NPHP3: variants seen among roughly 807,000 people sequenced by gnomAD.
The protein encoded by NPHP3 is nephrocystin 3.
NPHP3 carries 123 observed loss-of-function variants against 171.9 expected under a neutral mutation model. That is an observed-to-expected ratio of 0.72 (90% CI 0.62 to 0.83). The LOEUF (loss-of-function observed/expected upper bound fraction) is 0.83. NPHP3 is among the 40% of genes least tolerant of loss of function. The pLI, the probability that NPHP3 is intolerant of heterozygous loss-of-function variation, is 0.00. For missense variants in NPHP3, 1,506 were observed against 1,591.9 expected, an observed-to-expected ratio of 0.95 and a Z score of 0.92; for synonymous variants, 558 against 579.2, an observed-to-expected ratio of 0.96 and a Z score of 0.52.
At position 132,699,962 on chromosome 3, in the gene NPHP3, G is replaced by A. The variant is rs1939562588; in HGVS notation, c.1843C>T (p.Gln615Ter). 6.2e-7 allele frequency: 1 copy of A among 1,614,036 alleles called. No homozygotes were observed. Among genetic ancestry groups the A allele is most frequent in the Non-Finnish European group, 8.5e-7 (1 of 1,180,032 alleles). Residue 615 changes from glutamine (Q) to a stop codon, truncating the protein, a stop_gained, in exon 12 of 27, where the codon CAA (glutamine) becomes TAA (stop). Coordinates refer to ENST00000337331, the MANE Select transcript of NPHP3 (RefSeq NM_153240.5). LOFTEE classifies it high-confidence loss of function. ...TCAATAACGATGATGATGCTGCCTTGATGACGAGCAGAGAGTTTTTCCAGC... is the reference window on the plus strand; with the variant it reads ...TCAATAACGATGATGATGCTGCCTTAATGACGAGCAGAGAGTTTTTCCAGC... ...RWLEKLSARH[Q>*]GSIIIVIDSI...
intron 23 of NPHP3, 73 bp downstream of exon 23, chr3:132,686,187 C>G: frequency 6.6e-7 from 1 of 1,523,778 alleles, no homozygotes; most frequent in Admixed American, 1.7e-5. Context: ...TTAGACTTGA[C>G]AAAAATGTAA....
At chr3:132,689,735 T>C (rs1560002785) in intron 19 of NPHP3, among the ~76,000 whole-genome samples, 3 of 152,218 alleles carry the variant, frequency 2.0e-5, no homozygotes, top group Admixed American at 6.5e-5. Context: ...GTATCTACTT[T>C]GTATTTTCAT....
At chr3:132,717,186 G>T (rs1940076999) in intron 3 of NPHP3, 2 of 346,378 alleles carry the variant, frequency 5.8e-6, no homozygotes, top group African/African-American at 2.1e-5. Flanking sequence ...TAAGAAGGAA[G>T]TTAAAAACAT....
At position 132,689,223 on chromosome 3, in the gene NPHP3, C is replaced by T; in HGVS notation, c.2734G>A (p.Gly912Ser). 2 of 1,614,122 alleles carry T rather than the reference C, an allele frequency of 1.2e-6. No homozygotes were observed. Among genetic ancestry groups the T allele is most frequent in the African/African-American group, 1.3e-5 (1 of 75,034 alleles). The stretch of plus-strand genomic sequence containing the variant: ...GTTGCCATTGCACTTTTGTCTTTGC[C>T]AACAAACTGCCAATAACTCAGCAAC... Reference protein sequence around the residue: ...AELLSYWQFVGKDKSAMATEY... With the variant: ...AELLSYWQFVSKDKSAMATEY... Residue 912 changes from glycine (G) to serine (S), a missense_variant, in exon 20 of 27, where the codon GGC (glycine) becomes AGC (serine). By Grantham distance (56) the Gly-to-Ser change is moderately conservative. Coordinates refer to ENST00000337331, the MANE Select transcript of NPHP3 (RefSeq NM_153240.5).
chr3:132,681,967 C>A lies in NPHP3; in HGVS notation c.3936G>T (p.Thr1312=). ...APSRHSSSGD[T]FSLKTAHSPN... ...GAGAATGAGCTGTTTTTAAGCTAAA[C>A]GTGTCTCCACTTGATGAATGGCGTG... Residue 1312 remains threonine (T), a synonymous_variant, in exon 27 of 27, where the codon ACG becomes ACT. Coordinates refer to ENST00000337331, the MANE Select transcript of NPHP3 (RefSeq NM_153240.5). The A allele has an allele frequency of 6.2e-7, 1 of 1,614,090 alleles. No homozygotes were observed. The highest frequency in any genetic ancestry group is 8.5e-7 in the Non-Finnish European group (1 of 1,179,972).
In NPHP3 at chr3:132,687,009, A is replaced by T. The variant is rs547268934; in HGVS notation, c.3201+142T>A. 91 of 574,680 alleles carry T rather than the reference A, an allele frequency of 1.6e-4. No homozygotes were observed. In the East Asian group the frequency reaches 2.3e-3, roughly 15 times the overall value. 35.6% of individuals were successfully genotyped at this position (574,680 alleles called of 1,614,324 possible). ...CAGTAATATGATATTTTAACACATA[A>T]ATAAGAAAATGTTAAGTAGTTCTCT... On this transcript the variant is annotated intron_variant, in intron 22 of 26. Coordinates refer to ENST00000337331, the MANE Select transcript of NPHP3 (RefSeq NM_153240.5).
chr3:132,718,093 G>A, intron 3 of NPHP3: 1 of 453,750 alleles, frequency 2.2e-6, no homozygotes, highest in South Asian at 1.6e-5. Flanking sequence ...AAAAATTCCA[G>A]GATGTTGGTC....
chr3:132,697,868 T>C (rs1333842006), intron 13 of NPHP3, among the ~76,000 whole-genome samples: 2 of 152,196 alleles, frequency 1.3e-5, no homozygotes, highest in African/African-American at 2.4e-5. Flanking sequence ...ATATACAATA[T>C]GTGTGTGGTA....
At chr3:132,682,451 C>T (rs1265842703) in intron 26 of NPHP3, 1 of 562,172 alleles carries the variant, frequency 1.8e-6, no homozygotes, top group Non-Finnish European at 3.2e-6. Flanking sequence ...ATATTACTCC[C>T]AGAGCCAGAT....
chr3:132,718,563 T>C (rs1940118260), intron 3 of NPHP3, among the ~76,000 whole-genome samples: 1 of 152,258 alleles, frequency 6.6e-6, no homozygotes, highest in African/African-American at 2.4e-5. Context: ...GTTGGACACA[T>C]GTCTGCCTGG....
At chr3:132,697,220 TGA>T (rs1465267828) in intron 14 of NPHP3, 38 bp downstream of exon 14, 3 of 1,277,160 alleles carry the variant, frequency 2.3e-6, no homozygotes, top group Non-Finnish European at 3.4e-6. Flanking sequence ...ATAGGAAAGA[TGA>T]GAGAGTAAAA....
At chr3:132,720,505 G>A (rs965181456) in intron 1 of NPHP3, among the ~76,000 whole-genome samples, 9 of 152,154 alleles carry the variant, frequency 5.9e-5, no homozygotes, top group Non-Finnish European at 1.3e-4. Context: ...CATTGAATCA[G>A]ATATTTGAAA....
Position 132,692,701 on chromosome 3 carries a change from A to T in NPHP3, c.2428T>A (p.Cys810Ser). 6.2e-7 allele frequency: 1 copy of T among 1,614,110 alleles called. No individual in the cohort carries two copies. Residue 810 changes from cysteine (C) to serine (S), a missense_variant, in exon 17 of 27, where the codon TGT becomes AGT. By Grantham distance (112) the Cys-to-Ser change is moderately radical. Around this residue, in one of 3 missense-constraint regions of NPHP3, gnomAD observed 569 missense variants for 648.1 expected, o/e 0.88. Transcript: ENST00000337331. ...AAGCCACATCCATAAGTCAACAAAC[A>T]CATTTTGTATAAACTGTGAATAAGG... The part of the protein sequence containing the change: ...TSLIHSLYKM[C>S]LLTYGCGLLR...
intron 15 of NPHP3, among the ~76,000 whole-genome samples, chr3:132,696,333 T>C (rs1164435390): frequency 1.3e-5 from 2 of 152,226 alleles, no homozygotes; most frequent in Non-Finnish European, 2.9e-5. Context: ...TTAAAAAGTT[T>C]ATCAGGACTT....
In NPHP3 at chr3:132,721,928, G is replaced by A. The variant is rs1456696060; in HGVS notation, c.393+35C>T. ...GGAGCAGGACGGCCGTGCTTCCCAA[G>A]GGTCTCCCGGCGTCGCGGCCCAGCC... On this transcript the variant is annotated intron_variant, in intron 1 of 26. Transcript: ENST00000337331. The A allele has an allele frequency of 2.5e-6, 4 of 1,607,608 alleles. No homozygotes were observed. In the South Asian group the frequency reaches 4.4e-5, roughly 18 times the overall value.
chr3:132,684,811 A>G lies in NPHP3; in HGVS notation c.3330-17T>C, dbSNP rs769449713. 6.2e-7 allele frequency: 1 copy of G among 1,610,798 alleles called. No homozygotes were observed. The highest frequency in any genetic ancestry group is 8.5e-7 in the Non-Finnish European group (1 of 1,179,854). Reference sequence around the variant, plus strand: ...TCAGCTGTTCTGTGAACACAATCCCAAAATGGCTTAAACTATCTATTTTCT... The same window carrying G: ...TCAGCTGTTCTGTGAACACAATCCCGAAATGGCTTAAACTATCTATTTTCT... On this transcript the variant is annotated splice_polypyrimidine_tract_variant and intron_variant, in intron 23 of 26. Coordinates refer to ENST00000337331, the MANE Select transcript of NPHP3 (RefSeq NM_153240.5).
chr3:132,685,080 T>A (rs1290044494), intron 23 of NPHP3: 2 of 367,552 alleles, frequency 5.4e-6, no homozygotes, highest in Non-Finnish European at 1.0e-5. Context: ...CTTTAAAAAT[T>A]ATTAGACCTA....
chr3:132,700,180 A>C, intron 11 of NPHP3, 119 bp from the exon 12 acceptor site: 1 of 1,290,534 alleles, frequency 7.7e-7, no homozygotes, highest in East Asian at 2.5e-5. Flanking sequence ...AGTCACCAAG[A>C]GGACCCGATT....
In NPHP3 at chr3:132,689,061, C is replaced by G. The variant is rs112375565; in HGVS notation, c.2883+13G>C. 3.0e-4 allele frequency: 485 copies of G among 1,614,098 alleles called. 4 individuals carry two copies. The African/African-American group carries it at 4.8e-3, about 16-fold the overall frequency. On this transcript the variant is annotated intron_variant, in intron 20 of 26. Coordinates refer to ENST00000337331, the MANE Select transcript of NPHP3 (RefSeq NM_153240.5). ...CACCTGTCTCTGGCTTGCCATTGAT[C>G]TGCTGAGCTTACCTGACTGAGAAGG...
Sources: allele counts gnomAD v4.1 joint callset (sites outside exome capture counted in the v4.1 genomes callset), GRCh38; gene constraint gnomAD v4.1.1; regional missense constraint gnomAD v4.1.1; transcripts MANE v1.5; gene names NCBI Gene and HGNC (gene_info 2026-07-23, HGNC 2026-07-21).